Variants in MDH1B observed in about 807,000 individuals in gnomAD.
The protein encoded by MDH1B is malate dehydrogenase 1B, also known as putative malate dehydrogenase 1B.
A neutral mutation model predicts 61.4 loss-of-function variants in MDH1B; 60 were observed. That is an observed-to-expected ratio of 0.98 (90% CI 0.79 to 1.21). The LOEUF (loss-of-function observed/expected upper bound fraction) is 1.21, where lower values mean the gene tolerates loss of function less well. Among genes scored for constraint, MDH1B ranks in the 50% most tolerant of loss-of-function variants. The pLI is 0.00. For missense variants in MDH1B, 587 were observed against 632.1 expected, an observed-to-expected ratio of 0.93 and a Z score of 0.76; for synonymous variants, 236 against 218.7, an observed-to-expected ratio of 1.08 and a Z score of -0.70.
rs773071237 is a variant in MDH1B, at chr2:206,745,619, T to C, written c.1408+3A>G. On this transcript the variant is annotated splice_donor_region_variant and intron_variant, in intron 9 of 11. Transcript: ENST00000374412. ...CAATAAAACATCACGTCTAAGAGCT[T>C]ACCTGATTGGTATGGCTGAAAATGT... is the stretch of plus-strand genomic sequence containing the variant. 5.0e-6 allele frequency: 8 copies of C among 1,608,660 alleles called. No homozygotes were observed. The highest frequency in any genetic ancestry group is 6.8e-6 in the Non-Finnish European group (8 of 1,176,360).
At chr2:206,764,655 C>T (rs1689322970) in intron 1 of MDH1B, among the ~76,000 whole-genome samples, 1 of 152,154 alleles carries the variant, frequency 6.6e-6, no homozygotes, top group South Asian at 2.1e-4. Flanking sequence ...ATTAAGACTA[C>T]TCTCCTGCTT....
intron 5 of MDH1B, among the ~76,000 whole-genome samples, chr2:206,753,957 G>A (rs2105939579): frequency 6.7e-6 from 1 of 149,906 alleles, no homozygotes; most frequent in African/African-American, 2.5e-5. Context: ...TCTGAGATAA[G>A]TCACTGTCTA....
chr2:206,756,713 T>C (rs1688779736), intron 4 of MDH1B, 185 bp downstream of exon 4: 1 of 615,368 alleles, frequency 1.6e-6, no homozygotes, highest in Non-Finnish European at 2.8e-6. Context: ...TTATGAGTTA[T>C]ATGGAGGATA....
At chr2:206,764,663 C>T (rs1169897846) in intron 1 of MDH1B, among the ~76,000 whole-genome samples, 1 of 152,192 alleles carries the variant, frequency 6.6e-6, no homozygotes, top group Non-Finnish European at 1.5e-5. Flanking sequence ...TACTCTCCTG[C>T]TTAAAATTTT....
intron 4 of MDH1B, among the ~76,000 whole-genome samples, chr2:206,756,389 G>A (rs1214100906): frequency 6.6e-6 from 1 of 152,214 alleles, no homozygotes; most frequent in East Asian, 1.9e-4. Flanking sequence ...GGGAGGGAGA[G>A]AGAGAGCAAG....
chr2:206,743,397 C>CT (rs1687925382), intron 9 of MDH1B, among the ~76,000 whole-genome samples: 1 of 152,208 alleles, frequency 6.6e-6, no homozygotes, highest in Non-Finnish European at 1.5e-5. Flanking sequence ...TCCTGACTCT[C>CT]TGACCACCCC....
At chr2:206,753,189 G>T (rs1688551453) in intron 5 of MDH1B, among the ~76,000 whole-genome samples, 1 of 152,066 alleles carries the variant, frequency 6.6e-6, no homozygotes, top group African/African-American at 2.4e-5. Flanking sequence ...GTATGTCCTG[G>T]CACCACCGTT....
intron 10 of MDH1B, among the ~76,000 whole-genome samples, chr2:206,740,460 G>A (rs932856796): frequency 6.6e-6 from 1 of 152,142 alleles, no homozygotes; most frequent in African/African-American, 2.4e-5. Flanking sequence ...GGAGCAGGAG[G>A]AAGAGGAGGC....
chr2:206,748,037 G>C (rs1688215265), intron 7 of MDH1B, among the ~76,000 whole-genome samples: 1 of 152,160 alleles, frequency 6.6e-6, no homozygotes, highest in South Asian at 2.1e-4. Flanking sequence ...GCTTCAGATA[G>C]ACCTTACAGA....
chr2:206,758,517 G>T (rs2105949490), intron 2 of MDH1B, among the ~76,000 whole-genome samples: 1 of 152,244 alleles, frequency 6.6e-6, no homozygotes, highest in South Asian at 2.1e-4. Flanking sequence ...TATAATCCCA[G>T]CACTTTGGGA....
chr2:206,750,932 A>T lies in MDH1B; in HGVS notation c.1052+2T>A. ...TATGCTTCACTTCAAAATATACTGT[A>T]CCTGTCAAAAATCAAGTTTAAAACA... On this transcript the variant is annotated splice_donor_variant, in intron 6 of 11. Transcript: ENST00000374412. LOFTEE classifies it high-confidence loss of function. 6.2e-7 allele frequency: 1 copy of T among 1,603,074 alleles called. No homozygotes were observed.
chr2:206,744,221 CCA>C (rs1687968134), intron 9 of MDH1B, among the ~76,000 whole-genome samples: 1 of 152,198 alleles, frequency 6.6e-6, no homozygotes, highest in African/African-American at 2.4e-5. Flanking sequence ...TTTACTCCTC[CCA>C]CGCACCACAG....
intron 1 of MDH1B, among the ~76,000 whole-genome samples, chr2:206,763,884 C>T (rs1689256891): frequency 7.7e-6 from 1 of 129,514 alleles, no homozygotes; most frequent in South Asian, 2.7e-4. Context: ...GAAACCCTTA[C>T]CTGATTAAGT....
intron 8 of MDH1B, 57 bp from the exon 9 acceptor site, chr2:206,745,730 C>CTTTTTTTTTTTTTT: frequency 1.3e-6 from 1 of 747,926 alleles, no homozygotes; most frequent in Non-Finnish European, 2.0e-6. Context: ...CTTAATTCTT[C>CTTTTTTTTTTTTTT]TTTTTTTTTT....
At chr2:206,745,709 A>G (rs767946925) in intron 8 of MDH1B, 36 bp from the exon 9 acceptor site, 2 of 1,336,586 alleles carry the variant, frequency 1.5e-6, no homozygotes, top group East Asian at 4.6e-5. Flanking sequence ...TTAAATGACC[A>G]CAATTCCTAA....
intron 7 of MDH1B, 40 bp downstream of exon 7, chr2:206,748,980 G>A (rs1385090880): frequency 6.3e-7 from 1 of 1,577,774 alleles, no homozygotes; most frequent in Non-Finnish European, 8.7e-7. Context: ...TATAGATAGA[G>A]GTTTTAAGAT....
intron 1 of MDH1B, 26 bp downstream of exon 1, chr2:206,765,224 T>A: frequency 6.2e-7 from 1 of 1,601,228 alleles, no homozygotes. Context: ...TTGAGCAATC[T>A]GCGGGCGGAC....
At position 206,755,411 on chromosome 2, in the gene MDH1B, T is replaced by C; in HGVS notation, c.508A>G (p.Asn170Asp). The C allele has an allele frequency of 1.2e-6, 2 of 1,614,208 alleles. No homozygotes were observed. The highest frequency in any genetic ancestry group is 1.7e-6 in the Non-Finnish European group (2 of 1,180,028). Residue 170 changes from asparagine (N) to aspartate (D), a missense_variant, in exon 5 of 12, where the codon AAC becomes GAC. Transcript: ENST00000374412. ...TTGAGATGTTCTTCCGCCTGCTTGT[T>C]GTCAAATAGAGTTATGCTAATTTCT... Reference protein sequence around the residue: ...HTEISITLFDNKQAEEHLKSL... With the variant: ...HTEISITLFDDKQAEEHLKSL...
At chr2:206,739,895 G>A (rs1687710580) in intron 10 of MDH1B, among the ~76,000 whole-genome samples, 2 of 152,092 alleles carry the variant, frequency 1.3e-5, no homozygotes, top group South Asian at 4.1e-4. Context: ...CAACTGCTCA[G>A]TATAGCATCT....
Sources: gnomAD v4.1 joint callset for allele counts (sites outside exome capture counted in the v4.1 genomes callset) on GRCh38, gnomAD v4.1.1 for gene constraint, MANE v1.5 for transcripts, NCBI Gene and HGNC (gene_info 2026-07-23, HGNC 2026-07-21) for gene names.